RAD51B: variants seen among roughly 807,000 people sequenced by gnomAD.
RAD51B encodes the protein DNA repair protein RAD51 homolog 2.
A neutral mutation model predicts 42.2 loss-of-function variants in RAD51B; 38 were observed. The ratio of observed to expected loss-of-function variants is 0.90; its 90% CI spans 0.70 to 1.18. The LOEUF is 1.18. RAD51B is among the 50% of genes most tolerant of loss of function. The pLI is 0.00. For missense variants in RAD51B, 373 were observed against 400.7 expected, an observed-to-expected ratio of 0.93 and a Z score of 0.59; for synonymous variants, 154 against 145.2, an observed-to-expected ratio of 1.06 and a Z score of -0.43.
intron 7 of RAD51B, among the ~76,000 whole-genome samples, chr14:68,123,191 CT>C (rs541886088): frequency 0.09 from 11,224 of 125,318 alleles, 740 homozygotes; most frequent in African/African-American, 0.31. Flanking sequence ...TTCTTTCTTT[CT>C]TTTTTTTTTT....
At chr14:67,950,947 C>G (rs1378453561) in intron 7 of RAD51B, among the ~76,000 whole-genome samples, 1 of 152,094 alleles carries the variant, frequency 6.6e-6, no homozygotes, top group African/African-American at 2.4e-5. Context: ...GTGGAACAGT[C>G]AGAACACATA....
chr14:67,937,527 C>T (rs10450891), intron 7 of RAD51B, among the ~76,000 whole-genome samples: 10,447 of 152,152 alleles, frequency 0.069, 872 homozygotes, highest in African/African-American at 0.2. Context: ...TTCTTTTACT[C>T]TAGGTATAGT....
At chr14:68,315,579 T>C (rs1022965582) in intron 8 of RAD51B, among the ~76,000 whole-genome samples, 9 of 152,170 alleles carry the variant, frequency 5.9e-5, no homozygotes, top group Non-Finnish European at 1.2e-4. Flanking sequence ...TGGAGTGCAG[T>C]GGCGTGATCT....
chr14:68,331,634 G>T (rs551985987), intron 8 of RAD51B, among the ~76,000 whole-genome samples: 1 of 152,012 alleles, frequency 6.6e-6, no homozygotes, highest in Non-Finnish European at 1.5e-5. Context: ...GGGCCACATC[G>T]CTGAGACAGA....
intron 7 of RAD51B, among the ~76,000 whole-genome samples, chr14:68,057,859 T>TGTG (rs2076503303): frequency 1.0e-5 from 1 of 96,856 alleles, no homozygotes; most frequent in South Asian, 3.3e-4. Context: ...GTGTGTGTGT[T>TGTG]TGGTTGGCTT....
intron 7 of RAD51B, among the ~76,000 whole-genome samples, chr14:67,935,421 A>G (rs191810008): frequency 1.3e-5 from 2 of 152,302 alleles, no homozygotes; most frequent in Admixed American, 6.5e-5. Flanking sequence ...TGGGAGTTCA[A>G]TGGCTCGATT....
At chr14:67,864,598 A>G (rs2042264353) in intron 4 of RAD51B, among the ~76,000 whole-genome samples, 1 of 152,254 alleles carries the variant, frequency 6.6e-6, no homozygotes, top group South Asian at 2.1e-4. Flanking sequence ...CAAATGCTCA[A>G]CCATTTATTA....
rs142666319 is a variant in RAD51B at position 68,195,706 on chromosome 14, C to T, written c.757-96178C>T. ...GGTGGATCACCTGAGGTCAGGAGTT[C>T]GAGACCAGCCTGACCAGCAGGGAGA... On this transcript the variant is annotated intron_variant, in intron 7 of 10. Coordinates refer to ENST00000471583, the MANE Select transcript of RAD51B (RefSeq NM_133510.4). 3.2e-3 allele frequency among the ~76,000 whole-genome samples: 479 copies of T among 150,750 alleles called. 2 individuals carry two copies. Among genetic ancestry groups the T allele is most frequent in the African/African-American group, 8.7e-3 (356 of 41,000 alleles).
chr14:67,823,129 G>A (rs1191661095), intron 1 of RAD51B, among the ~76,000 whole-genome samples: 1 of 152,210 alleles, frequency 6.6e-6, no homozygotes. Flanking sequence ...AATGTAAATT[G>A]TTACAGTGCA....
intron 8 of RAD51B, among the ~76,000 whole-genome samples, chr14:68,313,414 G>A (rs189562774): frequency 6.6e-6 from 1 of 152,280 alleles, no homozygotes; most frequent in Non-Finnish European, 1.5e-5. Context: ...CGGCATTTCT[G>A]TCTTTCATGG....
chr14:68,214,501 C>T (rs2079774221), intron 7 of RAD51B, among the ~76,000 whole-genome samples: 1 of 152,128 alleles, frequency 6.6e-6, no homozygotes, highest in African/African-American at 2.4e-5. Flanking sequence ...CTACGGCCCC[C>T]ACTCCCTAAG....
intron 7 of RAD51B, among the ~76,000 whole-genome samples, chr14:68,036,114 G>A (rs976401325): frequency 1.3e-5 from 2 of 152,168 alleles, no homozygotes; most frequent in Non-Finnish European, 2.9e-5. Flanking sequence ...TCCTGCCTAT[G>A]TCATTTCTTT....
chr14:68,128,250 C>T (rs1050852412), intron 7 of RAD51B, among the ~76,000 whole-genome samples: 5 of 152,162 alleles, frequency 3.3e-5, no homozygotes, highest in Non-Finnish European at 5.9e-5. Context: ...TTTTGTGTCT[C>T]TATCTTTAGC....
At chr14:67,933,587 A>G (rs2044822262) in intron 7 of RAD51B, among the ~76,000 whole-genome samples, 1 of 152,062 alleles carries the variant, frequency 6.6e-6, no homozygotes, top group African/African-American at 2.4e-5. Flanking sequence ...ATGGATTGTT[A>G]AGGTTCTCTC....
intron 10 of RAD51B, among the ~76,000 whole-genome samples, chr14:68,593,664 G>GCAGGTGCCTGA (rs1890857301): frequency 6.6e-6 from 1 of 152,202 alleles, no homozygotes; most frequent in Non-Finnish European, 1.5e-5. Context: ...AGTGGGGAAT[G>GCAGGTGCCTGA]TATCAGGGCT....
At chr14:67,999,165 G>A (rs2075436156) in intron 7 of RAD51B, among the ~76,000 whole-genome samples, 1 of 152,072 alleles carries the variant, frequency 6.6e-6, no homozygotes, top group Middle Eastern at 3.4e-3. Context: ...TTTTGTCTGA[G>A]GTGTGACAGT....
chr14:68,443,041 G>A (rs532590288), intron 9 of RAD51B, among the ~76,000 whole-genome samples: 5 of 152,198 alleles, frequency 3.3e-5, no homozygotes, highest in African/African-American at 1.2e-4. Flanking sequence ...TCCTGGTTTT[G>A]GTTTCTTTCG....
At chr14:68,174,952 A>G (rs1304408499) in intron 7 of RAD51B, among the ~76,000 whole-genome samples, 1 of 152,206 alleles carries the variant, frequency 6.6e-6, no homozygotes, top group Non-Finnish European at 1.5e-5. Flanking sequence ...TAATGATATT[A>G]AGTTAGTGTA....
At chr14:68,459,231 G>A (rs1566896200) in intron 9 of RAD51B, among the ~76,000 whole-genome samples, 1 of 152,182 alleles carries the variant, frequency 6.6e-6, no homozygotes, top group Non-Finnish European at 1.5e-5. Flanking sequence ...AACCTGGGAA[G>A]GGACAGAAGA....
Sources: gnomAD v4.1 joint callset for allele counts (sites outside exome capture counted in the v4.1 genomes callset) on GRCh38, gnomAD v4.1.1 for gene constraint, MANE v1.5 for transcripts, NCBI Gene and HGNC (gene_info 2026-07-23, HGNC 2026-07-21) for gene names.